Variants in ADAMTS6 observed in about 807,000 individuals in gnomAD.
ADAMTS6 encodes A disintegrin and metalloproteinase with thrombospondin motifs 6.
ADAMTS6 carries 23 observed loss-of-function variants against 144.3 expected under a neutral mutation model. The observed-to-expected ratio is 0.16, with a 90% CI of 0.11 to 0.23. The LOEUF (loss-of-function observed/expected upper bound fraction) is 0.23, where lower values mean the gene tolerates loss of function less well. ADAMTS6 is among the 10% of genes least tolerant of loss of function. The pLI, the probability that ADAMTS6 is intolerant of heterozygous loss-of-function variation, is 1.00. For missense variants in ADAMTS6, 999 were observed against 1,379.6 expected, an observed-to-expected ratio of 0.72 and a Z score of 4.37; for synonymous variants, 444 against 457.5, an observed-to-expected ratio of 0.97 and a Z score of 0.38.
At chr5:65,285,413 T>G (rs1336038764) in intron 11 of ADAMTS6, among the ~76,000 whole-genome samples, 1 of 152,182 alleles carries the variant, frequency 6.6e-6, no homozygotes, top group African/African-American at 2.4e-5. Context: ...AAATATTTAT[T>G]GAGTTCCCAT....
intron 15 of ADAMTS6, among the ~76,000 whole-genome samples, chr5:65,234,331 CAA>C (rs1205207345): frequency 2.0e-5 from 3 of 148,858 alleles, no homozygotes; most frequent in African/African-American, 7.4e-5. Context: ...AAACAATCAA[CAA>C]AATGAAAAGG....
chr5:65,376,872 A>G, intron 7 of ADAMTS6, among the ~76,000 whole-genome samples: 1 of 152,044 alleles, frequency 6.6e-6, no homozygotes, highest in East Asian at 1.9e-4. Context: ...TTAACAAAAC[A>G]GCTTTACTTT....
intron 24 of ADAMTS6, among the ~76,000 whole-genome samples, chr5:65,154,688 G>C (rs978923234): frequency 1.3e-5 from 2 of 152,206 alleles, no homozygotes; most frequent in Admixed American, 6.5e-5. Flanking sequence ...TCTGCTCATA[G>C]GATGTTGTGA....
intron 14 of ADAMTS6, among the ~76,000 whole-genome samples, chr5:65,245,725 A>G (rs1393402338): frequency 6.6e-6 from 1 of 152,186 alleles, no homozygotes; most frequent in African/African-American, 2.4e-5. Context: ...AAAGGTCCAC[A>G]TAGTAAATAT....
chr5:65,310,134 C>T (rs1350853569), intron 9 of ADAMTS6, among the ~76,000 whole-genome samples: 2 of 151,766 alleles, frequency 1.3e-5, no homozygotes, highest in African/African-American at 2.4e-5. Context: ...CTTGCTCCTG[C>T]TCCCGCCATG....
intron 20 of ADAMTS6, among the ~76,000 whole-genome samples, chr5:65,212,312 T>A (rs532197169): frequency 2.0e-5 from 3 of 151,970 alleles, no homozygotes; most frequent in East Asian, 1.9e-4. Flanking sequence ...CCAACCCTAA[T>A]GTGAGTTCCC....
intron 15 of ADAMTS6, among the ~76,000 whole-genome samples, chr5:65,233,887 A>G (rs981704130): frequency 3.3e-5 from 5 of 152,206 alleles, no homozygotes; most frequent in Admixed American, 2.0e-4. Flanking sequence ...CTATATTACT[A>G]ACCTGTAGCA....
At chr5:65,469,339 G>C (rs1760257691) in intron 3 of ADAMTS6, among the ~76,000 whole-genome samples, 1 of 152,092 alleles carries the variant, frequency 6.6e-6, no homozygotes, top group African/African-American at 2.4e-5. Context: ...AATGGAATTA[G>C]TTTTGTTCTT....
At chr5:65,363,345 A>G (rs1171859232) in intron 7 of ADAMTS6, among the ~76,000 whole-genome samples, 3 of 152,196 alleles carry the variant, frequency 2.0e-5, no homozygotes, top group African/African-American at 7.2e-5. Context: ...ATCTACGACC[A>G]GCAAGGTTGT....
chr5:65,200,353 A>G (rs906926337), intron 20 of ADAMTS6, among the ~76,000 whole-genome samples: 1 of 152,212 alleles, frequency 6.6e-6, no homozygotes, highest in Non-Finnish European at 1.5e-5. Context: ...GAAATAATCT[A>G]AACTAAGTCC....
chr5:65,384,447 G>A (rs1378513155), intron 7 of ADAMTS6, among the ~76,000 whole-genome samples: 2 of 152,054 alleles, frequency 1.3e-5, no homozygotes, highest in African/African-American at 4.8e-5. Flanking sequence ...CTTTCACAAA[G>A]CAGCAGAACA....
At chr5:65,332,318 G>GAC (rs1561433898) in intron 8 of ADAMTS6, among the ~76,000 whole-genome samples, 1 of 137,786 alleles carries the variant, frequency 7.3e-6, no homozygotes, top group African/African-American at 2.6e-5. Context: ...TATATAGAGA[G>GAC]AGAGAGAGAG....
intron 21 of ADAMTS6, 96 bp from the exon 22 acceptor site, chr5:65,188,316 G>T: frequency 8.7e-7 from 1 of 1,152,344 alleles, no homozygotes; most frequent in Non-Finnish European, 1.3e-6. Context: ...TGGACTACGA[G>T]CTGACATTTC....
intron 7 of ADAMTS6, among the ~76,000 whole-genome samples, chr5:65,399,131 C>T (rs1438360126): frequency 1.3e-5 from 2 of 151,952 alleles, no homozygotes; most frequent in South Asian, 2.1e-4. Flanking sequence ...GTGGTGGGCG[C>T]CTGTAATCCC....
intron 14 of ADAMTS6, among the ~76,000 whole-genome samples, chr5:65,256,125 T>C (rs190075160): frequency 6.6e-6 from 1 of 152,350 alleles, no homozygotes; most frequent in African/African-American, 2.4e-5. Context: ...TCGAGCTCTG[T>C]ACCGTCCTAT....
At chr5:65,219,968 C>T (rs148109951) in intron 18 of ADAMTS6, among the ~76,000 whole-genome samples, 135 of 152,128 alleles carry the variant, frequency 8.9e-4, no homozygotes, top group Admixed American at 3.1e-3. Context: ...AAGAAGGCAG[C>T]AAATAAGAAT....
chr5:65,360,875 T>C (rs1197490523), intron 7 of ADAMTS6, among the ~76,000 whole-genome samples: 1 of 152,222 alleles, frequency 6.6e-6, no homozygotes, highest in Non-Finnish European at 1.5e-5. Context: ...GCTGTATATC[T>C]GATAAAACTT....
chr5:65,372,767 T>C lies in ADAMTS6; in HGVS notation c.1074-38682A>G, dbSNP rs1367091325. Among the ~76,000 whole-genome samples, 8 of 152,266 alleles carry C rather than the reference T, an allele frequency of 5.3e-5. No homozygotes were observed. The East Asian group carries it at 1.5e-3, about 29-fold the overall frequency. On this transcript the variant is annotated intron_variant, in intron 7 of 24. Coordinates refer to ENST00000381055, the MANE Select transcript of ADAMTS6 (RefSeq NM_197941.4). ...CTGCACCAAGCAGACCTAATAGACA[T>C]CTACAGAACTCTCCACCCCAAATCA...
chr5:65,451,701 G>A (rs1365271648), intron 6 of ADAMTS6, 81 bp from the exon 7 acceptor site: 1 of 1,501,844 alleles, frequency 6.7e-7, no homozygotes, highest in Non-Finnish European at 9.1e-7. Context: ...ACTGAAGTGG[G>A]ACTATAATTA....
Sources: allele counts gnomAD v4.1 joint callset (sites outside exome capture counted in the v4.1 genomes callset), GRCh38; gene constraint gnomAD v4.1.1; transcripts MANE v1.5; gene names NCBI Gene and HGNC (gene_info 2026-07-23, HGNC 2026-07-21).